LRTM1: variants seen among roughly 807,000 people sequenced by gnomAD.
The protein encoded by LRTM1 is leucine-rich repeat and transmembrane domain-containing protein 1.
A neutral mutation model predicts 32.4 loss-of-function variants in LRTM1; 38 were observed. The observed-to-expected ratio is 1.17, with a 90% CI of 0.91 to 1.54. The LOEUF is 1.54. LRTM1 is among the 40% of genes most tolerant of loss of function. The pLI, the probability that LRTM1 is intolerant of heterozygous loss-of-function variation, is 0.00. For missense variants in LRTM1, 466 were observed against 415.4 expected (o/e 1.12, Z -1.06); for synonymous variants, 186 against 169.9 (o/e 1.09, Z -0.74).
intron 2 of LRTM1, among the ~76,000 whole-genome samples, chr3:54,921,395 T>A (rs1700846428): frequency 6.6e-6 from 1 of 152,120 alleles, no homozygotes. Flanking sequence ...AATACCTAGC[T>A]CAGAGTAAAT....
At chr3:54,960,675 A>G (rs1480726065) in intron 1 of LRTM1, among the ~76,000 whole-genome samples, 1 of 152,210 alleles carries the variant, frequency 6.6e-6, no homozygotes, top group East Asian at 1.9e-4. Flanking sequence ...GGGGGACAAG[A>G]GTGCAGCTGC....
At chr3:54,965,596 G>C (rs1702130012) in intron 1 of LRTM1, among the ~76,000 whole-genome samples, 1 of 152,170 alleles carries the variant, frequency 6.6e-6, no homozygotes, top group African/African-American at 2.4e-5. Context: ...GTAGAGCTTA[G>C]TACTCACTGA....
chr3:54,951,467 G>A (rs191024662), intron 1 of LRTM1, among the ~76,000 whole-genome samples: 2 of 152,330 alleles, frequency 1.3e-5, no homozygotes, highest in African/African-American at 4.8e-5. Flanking sequence ...GCGGCCCGGG[G>A]GCAGTGGGGT....
At chr3:54,948,263 T>G (rs1194308667) in intron 1 of LRTM1, among the ~76,000 whole-genome samples, 3 of 152,220 alleles carry the variant, frequency 2.0e-5, no homozygotes, top group Admixed American at 1.3e-4. Context: ...CCATTCCAGG[T>G]GACCTCTTGA....
rs1341514218 is a variant in LRTM1 at position 54,918,652 on chromosome 3, A to G, written c.845T>C (p.Leu282Pro). 5 of 1,614,158 alleles carry G rather than the reference A, an allele frequency of 3.1e-6. No homozygotes were observed. The highest frequency in any genetic ancestry group is 1.6e-4 in the Middle Eastern group (1 of 6,062). Residue 282 changes from leucine to proline, a missense_variant, in exon 3 of 3, where the codon CTG (leucine) becomes CCG (proline). Physicochemically the swap from Leu to Pro is moderately conservative, Grantham distance 98. Transcript: ENST00000273286. ...GATGACAGTGGCAATGGCATGACGC[A>G]GGTTGGCCGGCCTTGGCTTGGGTTT... is the stretch of plus-strand genomic sequence containing the variant. ...ELKPKPRPAN[L>P]RHAIATVIIT...
chr3:54,934,165 A>G (rs1701272957), intron 1 of LRTM1, among the ~76,000 whole-genome samples: 1 of 152,250 alleles, frequency 6.6e-6, no homozygotes, highest in African/African-American at 2.4e-5. Flanking sequence ...TTGCAAACAC[A>G]TGGATTGTGA....
At chr3:54,933,490 T>C (rs561794235) in intron 1 of LRTM1, among the ~76,000 whole-genome samples, 1 of 152,282 alleles carries the variant, frequency 6.6e-6, no homozygotes, top group South Asian at 2.1e-4. Context: ...TCACATTCTA[T>C]TAGCCAGAAT....
chr3:54,919,054 G>A (rs576851886), intron 2 of LRTM1, among the ~76,000 whole-genome samples, 162 bp from the exon 3 acceptor site: 7 of 151,596 alleles, frequency 4.6e-5, no homozygotes, highest in Non-Finnish European at 8.8e-5. Flanking sequence ...ATGATTTTAG[G>A]ATTCCTAAAT....
chr3:54,945,950 G>A (rs752099610), intron 1 of LRTM1, among the ~76,000 whole-genome samples: 23 of 152,164 alleles, frequency 1.5e-4, no homozygotes, highest in African/African-American at 3.4e-4. Flanking sequence ...CCTCTATCCC[G>A]GCTCCTGCTC....
chr3:54,951,761 T>A (rs1265441690), intron 1 of LRTM1, among the ~76,000 whole-genome samples: 1 of 152,170 alleles, frequency 6.6e-6, no homozygotes, highest in Non-Finnish European at 1.5e-5. Context: ...GGCTGAAGAG[T>A]TAAGTAAGAT....
At chr3:54,925,972 C>T (rs781421266) in intron 1 of LRTM1, among the ~76,000 whole-genome samples, 1 of 152,050 alleles carries the variant, frequency 6.6e-6, no homozygotes, top group African/African-American at 2.4e-5. Context: ...ATAATAAATA[C>T]CCATTTTCTA....
intron 1 of LRTM1, among the ~76,000 whole-genome samples, chr3:54,948,002 G>A (rs1701657277): frequency 6.6e-6 from 1 of 152,124 alleles, no homozygotes; most frequent in African/African-American, 2.4e-5. Flanking sequence ...CACAGATGGG[G>A]GAGATTCCAG....
At chr3:54,921,888 T>C (rs149991272) in intron 2 of LRTM1, among the ~76,000 whole-genome samples, 1 of 152,310 alleles carries the variant, frequency 6.6e-6, no homozygotes, top group East Asian at 1.9e-4. Context: ...CTAATACCTG[T>C]AGTGTTTGCA....
intron 1 of LRTM1, among the ~76,000 whole-genome samples, chr3:54,949,166 C>CTTG (rs1333127744): frequency 2.0e-5 from 3 of 152,176 alleles, no homozygotes; most frequent in African/African-American, 7.2e-5. Context: ...TGTCCTGGGG[C>CTTG]TTGTTCTCCT....
At chr3:54,965,557 C>T (rs1230577105) in intron 1 of LRTM1, among the ~76,000 whole-genome samples, 2 of 152,202 alleles carry the variant, frequency 1.3e-5, no homozygotes, top group Non-Finnish European at 2.9e-5. Flanking sequence ...TACTCCTCAA[C>T]TGGACGTGGA....
intron 1 of LRTM1, among the ~76,000 whole-genome samples, chr3:54,955,131 T>C (rs1025137953): frequency 2.6e-5 from 4 of 152,228 alleles, no homozygotes; most frequent in Admixed American, 1.3e-4. Flanking sequence ...CGTAGGAGAA[T>C]GATTATCCAA....
upstream of LRTM1, among the ~76,000 whole-genome samples, chr3:54,930,855 T>C (rs1347320105): frequency 6.6e-6 from 1 of 152,136 alleles, no homozygotes; most frequent in East Asian, 1.9e-4. Context: ...CAATATACTT[T>C]GGGAGGCTGA....
chr3:54,960,350 A>T (rs562857171), intron 1 of LRTM1, among the ~76,000 whole-genome samples: 1 of 152,292 alleles, frequency 6.6e-6, no homozygotes, highest in East Asian at 1.9e-4. Flanking sequence ...CCAACCCCCC[A>T]TACCACAGGG....
chr3:54,952,315 G>A (rs962024755), intron 1 of LRTM1, among the ~76,000 whole-genome samples: 2 of 152,122 alleles, frequency 1.3e-5, no homozygotes, highest in African/African-American at 4.8e-5. Flanking sequence ...ATCTCTCTGG[G>A]GCCCTGCCTA....
Sources: gnomAD v4.1 joint callset for allele counts (sites outside exome capture counted in the v4.1 genomes callset) on GRCh38, gnomAD v4.1.1 for gene constraint, MANE v1.5 for transcripts, NCBI Gene and HGNC (gene_info 2026-07-23, HGNC 2026-07-21) for gene names.